Variants in VWA2 observed in about 807,000 individuals in gnomAD.
VWA2 encodes von Willebrand factor A domain-containing protein 2.
A neutral mutation model predicts 70.4 loss-of-function variants in VWA2; 73 were observed. The ratio of observed to expected loss-of-function variants is 1.04; its 90% CI spans 0.86 to 1.26. The LOEUF (loss-of-function observed/expected upper bound fraction) is 1.26, where lower values mean the gene tolerates loss of function less well. Among genes scored for constraint, VWA2 ranks in the 50% most tolerant of loss-of-function variants. The pLI is 0.00. For missense variants in VWA2, 1,011 were observed against 998.5 expected, an observed-to-expected ratio of 1.01 and a Z score of -0.17; for synonymous variants, 407 against 423.3, an observed-to-expected ratio of 0.96 and a Z score of 0.47.
At chr10:114,246,505 CAAAA>C (rs570510812) in intron 1 of VWA2, 19,158 of 382,432 alleles carry the variant, frequency 0.05, 191 homozygotes, top group African/African-American at 0.13. Context: ...AACTCCATCT[CAAAA>C]AAAAAAAAAA....
intron 1 of VWA2, among the ~76,000 whole-genome samples, chr10:114,244,805 A>G (rs2037036366): frequency 6.6e-6 from 1 of 152,264 alleles, no homozygotes; most frequent in African/African-American, 2.4e-5. Context: ...TAATCTTGGT[A>G]TAAAAAAGAA....
At chr10:114,263,492 A>T (rs1312362859) in intron 5 of VWA2, among the ~76,000 whole-genome samples, 1 of 151,414 alleles carries the variant, frequency 6.6e-6, no homozygotes, top group Non-Finnish European at 1.5e-5. Flanking sequence ...GCCCGCCACC[A>T]CGCCTGGCTA....
In VWA2 at chr10:114,252,891, A is replaced by G. The variant is rs1589742271; in HGVS notation, c.53-760A>G. Among the ~76,000 whole-genome samples, 3 of 151,754 alleles carry G rather than the reference A, an allele frequency of 2.0e-5. No homozygotes were observed. In the East Asian group the frequency reaches 5.9e-4, roughly 30 times the overall value. The stretch of plus-strand genomic sequence containing the variant: ...TGGGATTACAGGCATGAGCCACTGC[A>G]CCCGGCCTGCTTGTGTTCCTTCATC... On this transcript the variant is annotated intron_variant, in intron 2 of 13. Transcript: ENST00000392982.
intron 6 of VWA2, 105 bp downstream of exon 6, chr10:114,273,039 T>A (rs2037747354): frequency 5.3e-6 from 5 of 947,660 alleles, no homozygotes; most frequent in Middle Eastern, 3.5e-4. Flanking sequence ...GTCCAGGTCC[T>A]TCCCTGGATC....
chr10:114,277,667 A>T (rs773212897), intron 6 of VWA2, among the ~76,000 whole-genome samples: 1 of 152,092 alleles, frequency 6.6e-6, no homozygotes, highest in Admixed American at 6.5e-5. Context: ...TCTTACGTCC[A>T]TTGTTTATCA....
intron 8 of VWA2, among the ~76,000 whole-genome samples, chr10:114,279,521 G>A (rs2037956889): frequency 6.6e-6 from 1 of 152,208 alleles, no homozygotes; most frequent in African/African-American, 2.4e-5. Flanking sequence ...ACACAGCAGT[G>A]AAATGGATTG....
intron 5 of VWA2, among the ~76,000 whole-genome samples, chr10:114,268,946 C>CGGCCTTCCAAAGTGCTG (rs576492109): frequency 1.3e-3 from 204 of 151,940 alleles, no homozygotes; most frequent in East Asian, 8.7e-3. Flanking sequence ...ACGCCCGCCT[C>CGGCCTTCCAAAGTGCTG]GGCCTTCCAA....
chr10:114,273,750 A>G (rs1266623703), intron 6 of VWA2, among the ~76,000 whole-genome samples: 1 of 152,202 alleles, frequency 6.6e-6, no homozygotes. Context: ...TGTCTTTCTC[A>G]TGCTGGGCAT....
intron 11 of VWA2, among the ~76,000 whole-genome samples, chr10:114,287,080 C>T (rs996307978): frequency 1.2e-4 from 18 of 152,298 alleles, no homozygotes; most frequent in African/African-American, 3.8e-4. Flanking sequence ...GTTTTGCAAG[C>T]CATGAAGCTG....
chr10:114,291,465 C>T lies in VWA2; in HGVS notation c.*228C>T, dbSNP rs954556577. On this transcript the variant is annotated 3_prime_UTR_variant, in exon 14 of 14. Coordinates refer to ENST00000392982, the MANE Select transcript of VWA2 (RefSeq NM_001272046.2). ...GAAAGCAGCTGATGTCACCCACAAA[C>T]GATGTTGTTGAAAAGTTTTGATGTG... is the stretch of plus-strand genomic sequence containing the variant. 13 of 537,854 alleles carry T rather than the reference C, an allele frequency of 2.4e-5. No individual in the cohort carries two copies. The highest frequency in any genetic ancestry group is 3.4e-5 in the East Asian group (1 of 29,674). 33.3% of individuals were successfully genotyped at this position (537,854 alleles called of 1,614,324 possible). A position where few individuals can be genotyped will look rare whatever the true frequency, so the allele number is the denominator to read the frequency against.
chr10:114,269,872 C>A (rs78100574), intron 5 of VWA2, among the ~76,000 whole-genome samples: 1 of 152,122 alleles, frequency 6.6e-6, no homozygotes, highest in East Asian at 1.9e-4. Context: ...GGCTCACTGG[C>A]CAGTGGGTAG....
Position 114,261,209 on chromosome 10 carries a change from C to G in VWA2, c.285C>G (p.Phe95Leu). 6.2e-7 allele frequency: 1 copy of G among 1,614,014 alleles called. No homozygotes were observed. The highest frequency in any genetic ancestry group is 8.5e-7 in the Non-Finnish European group (1 of 1,179,888). ...AGGTCAGAGTGGGAGCATTCCAGTTCAGTTCCACTCCTCATCTGGAATTCC... is the reference window on the plus strand; with the variant it reads ...AGGTCAGAGTGGGAGCATTCCAGTTGAGTTCCACTCCTCATCTGGAATTCC... ...PERVRVGAFQ[F>L]SSTPHLEFPL... The change falls in exon 5 of 14, where the codon TTC becomes TTG. Residue 95 changes from phenylalanine (F) to leucine (L), a missense_variant. By Grantham distance (22) the Phe-to-Leu change is conservative (BLOSUM62 0). Coordinates refer to ENST00000392982, the MANE Select transcript of VWA2 (RefSeq NM_001272046.2).
Position 114,251,038 on chromosome 10 carries a change from G to C in VWA2, c.52+2273G>C, listed in dbSNP as rs565813949. Among the ~76,000 whole-genome samples the C allele has an allele frequency of 1.2e-3, 190 of 152,368 alleles. 1 individual carries two copies. The highest frequency in any genetic ancestry group is 3.4e-3 in the Middle Eastern group (1 of 294). ...AGTTCTCCCTACTCCTGGGCTGGCTGTACCGCTCAGCTTCTCTGGAAAGAT... is the reference window on the plus strand; with the variant it reads ...AGTTCTCCCTACTCCTGGGCTGGCTCTACCGCTCAGCTTCTCTGGAAAGAT... On this transcript the variant is annotated intron_variant, in intron 2 of 13. Transcript: ENST00000392982.
chr10:114,248,679 T>C, intron 1 of VWA2, 25 bp from the exon 2 acceptor site: 3 of 1,603,218 alleles, frequency 1.9e-6, no homozygotes, highest in East Asian at 2.2e-5. Flanking sequence ...GCTGATACTT[T>C]CTTTCTTTTC....
rs774166815 is a variant in VWA2, at chr10:114,255,023, A to G, written c.236A>G (p.Asp79Gly). 1.4e-5 allele frequency: 22 copies of G among 1,612,534 alleles called. No homozygotes were observed. Among genetic ancestry groups the G allele is most frequent in the Non-Finnish European group, 1.7e-5 (20 of 1,179,936 alleles). Residue 79 changes from aspartate to glycine, a missense_variant, in exon 4 of 14, where the codon GAC becomes GGC. Asp to Gly is a moderately conservative substitution (Grantham distance 94). Coordinates refer to ENST00000392982, the MANE Select transcript of VWA2 (RefSeq NM_001272046.2). ...RSKHFAITVC[D>G]GLDISPERVR... ...AAGCACTTTGCCATCACAGTCTGTG[A>G]CGGTCTGGACATCAGCCCCGAGAGG...
chr10:114,249,373 A>G (rs981900958), intron 2 of VWA2, among the ~76,000 whole-genome samples: 5 of 152,162 alleles, frequency 3.3e-5, no homozygotes, highest in Admixed American at 2.0e-4. Flanking sequence ...CTCCAGCCTC[A>G]GCCTCTTGAG....
At chr10:114,248,292 T>C (rs2037116915) in intron 1 of VWA2, among the ~76,000 whole-genome samples, 1 of 152,156 alleles carries the variant, frequency 6.6e-6, no homozygotes, top group Admixed American at 6.5e-5. Flanking sequence ...ATCTTCAGCC[T>C]GTTGAATTCT....
At chr10:114,272,662 C>A in intron 5 of VWA2, 78 bp from the exon 6 acceptor site, 2 of 1,315,372 alleles carry the variant, frequency 1.5e-6, no homozygotes, top group Non-Finnish European at 2.1e-6. Flanking sequence ...AAGAGCTCAT[C>A]GATTTCAGAC....
At chr10:114,244,529 G>C (rs545775541) in intron 1 of VWA2, among the ~76,000 whole-genome samples, 11 of 152,352 alleles carry the variant, frequency 7.2e-5, no homozygotes, top group Admixed American at 2.0e-4. Flanking sequence ...CGAGGATTAG[G>C]AGAGAAGACA....
Sources: allele counts gnomAD v4.1 joint callset (sites outside exome capture counted in the v4.1 genomes callset), GRCh38; gene constraint gnomAD v4.1.1; transcripts MANE v1.5; gene names NCBI Gene and HGNC (gene_info 2026-07-23, HGNC 2026-07-21).